The following CDH13 variants were observed in gnomAD, a reference collection of about 807,000 sequenced individuals.
CDH13 encodes cadherin 13, also known as cadherin-13.
A neutral mutation model predicts 63.8 loss-of-function variants in CDH13; 24 were observed. The observed-to-expected ratio is 0.38, with a 90% CI of 0.27 to 0.53. The LOEUF (loss-of-function observed/expected upper bound fraction) is 0.53. CDH13 is among the 20% of genes least tolerant of loss of function. The pLI is 0.85. For missense variants in CDH13, 1,049 were observed against 903.1 expected, an observed-to-expected ratio of 1.16 and a Z score of -2.07; for synonymous variants, 503 against 355.3, an observed-to-expected ratio of 1.42 and a Z score of -4.67.
At chr16:82,682,892 G>A (rs1394547951) in intron 1 of CDH13, among the ~76,000 whole-genome samples, 1 of 152,172 alleles carries the variant, frequency 6.6e-6, no homozygotes, top group Non-Finnish European at 1.5e-5. Context: ...AATTAAGGGA[G>A]CAGAAAACAC....
chr16:83,769,745 C>G (rs1914636561), intron 11 of CDH13, among the ~76,000 whole-genome samples: 2 of 152,110 alleles, frequency 1.3e-5, no homozygotes. Context: ...CTTTGATCTG[C>G]AAATTGACTG....
chr16:83,233,977 C>T lies in CDH13; in HGVS notation c.636+16480C>T, dbSNP rs2040076436. On this transcript the variant is annotated intron_variant, in intron 5 of 13. Coordinates refer to ENST00000567109, the MANE Select transcript of CDH13 (RefSeq NM_001257.5). ...AGTGCTAAGTGATGGATGATCTTAA[C>T]CTTTGACCCCAGCTATTGTCATCTT... 2.6e-5 allele frequency among the ~76,000 whole-genome samples: 4 copies of T among 152,174 alleles called. No homozygotes were observed. In the South Asian group the frequency reaches 8.3e-4, roughly 32 times the overall value.
At chr16:83,026,391 G>A (rs1311928164) in intron 2 of CDH13, among the ~76,000 whole-genome samples, 1 of 152,148 alleles carries the variant, frequency 6.6e-6, no homozygotes, top group African/African-American at 2.4e-5. Context: ...CTGAGACTCA[G>A]TCTCTTCTCC....
chr16:83,279,800 C>G (rs1186877881), intron 5 of CDH13, among the ~76,000 whole-genome samples: 1 of 151,786 alleles, frequency 6.6e-6, no homozygotes, highest in Non-Finnish European at 1.5e-5. Flanking sequence ...TGATTTCAGA[C>G]CACCACAATC....
intron 7 of CDH13, among the ~76,000 whole-genome samples, chr16:83,594,744 C>G (rs1354950630): frequency 6.6e-6 from 1 of 152,210 alleles, no homozygotes; most frequent in Non-Finnish European, 1.5e-5. Context: ...ACAGCTACCA[C>G]TATGCTTGTT....
chr16:83,559,572 AAGAAAGAG>A (rs894437279), intron 7 of CDH13, among the ~76,000 whole-genome samples: 10 of 120,588 alleles, frequency 8.3e-5, no homozygotes, highest in Admixed American at 3.8e-4. Flanking sequence ...ACTGTATAAA[AAGAAAGAG>A]AGAGAGAGAG....
intron 10 of CDH13, among the ~76,000 whole-genome samples, chr16:83,698,002 G>A (rs996184578): frequency 6.6e-6 from 1 of 152,194 alleles, no homozygotes; most frequent in African/African-American, 2.4e-5. Flanking sequence ...AAGTGTGCTT[G>A]CTTGCCTGAA....
At chr16:83,310,398 G>A (rs962713183) in intron 5 of CDH13, among the ~76,000 whole-genome samples, 1 of 152,154 alleles carries the variant, frequency 6.6e-6, no homozygotes, top group Admixed American at 6.5e-5. Context: ...TTCTGTGTGT[G>A]GGTACATGTG....
chr16:82,767,534 C>G (rs2035100451), intron 1 of CDH13, among the ~76,000 whole-genome samples: 1 of 152,176 alleles, frequency 6.6e-6, no homozygotes, highest in South Asian at 2.1e-4. Context: ...TACCCTGATG[C>G]CAGATTTAAA....
chr16:83,046,094 C>T (rs575614993), intron 3 of CDH13, among the ~76,000 whole-genome samples: 1 of 152,322 alleles, frequency 6.6e-6, no homozygotes, highest in African/African-American at 2.4e-5. Context: ...AGTCTAGTCT[C>T]AAGGCCTAAT....
In CDH13 at chr16:82,966,015, C is replaced by T. The variant is rs138264058; in HGVS notation, c.158-65995C>T. Among the ~76,000 whole-genome samples, 31 of 152,276 alleles carry T rather than the reference C, an allele frequency of 2.0e-4. No individual in the cohort carries two copies. The East Asian group carries it at 5.4e-3, about 27-fold the overall frequency. On this transcript the variant is annotated intron_variant, in intron 2 of 13. Coordinates refer to ENST00000567109, the MANE Select transcript of CDH13 (RefSeq NM_001257.5). ...CCAATCAGTCAACGAGTTGACCAAG[C>T]GTCTTGGCTAGCCTCAGAGGTACCT... is the stretch of plus-strand genomic sequence containing the variant.
intron 2 of CDH13, among the ~76,000 whole-genome samples, chr16:82,903,968 C>G (rs1016972113): frequency 2.6e-5 from 4 of 152,150 alleles, no homozygotes; most frequent in Non-Finnish European, 4.4e-5. Flanking sequence ...CTCTTTTTCT[C>G]TCTCCCTATT....
At chr16:82,887,400 C>T (rs1197418493) in intron 2 of CDH13, among the ~76,000 whole-genome samples, 1 of 152,168 alleles carries the variant, frequency 6.6e-6, no homozygotes, top group Non-Finnish European at 1.5e-5. Context: ...AGTCTTCAAA[C>T]ACCAGCATGC....
chr16:83,066,717 G>A (rs1180726795), intron 3 of CDH13, among the ~76,000 whole-genome samples: 10 of 152,104 alleles, frequency 6.6e-5, no homozygotes, highest in Admixed American at 5.2e-4. Context: ...ATTCTCGCCC[G>A]GTGTGAAGTC....
At chr16:82,892,002 A>T (rs918512547) in intron 2 of CDH13, among the ~76,000 whole-genome samples, 1 of 152,130 alleles carries the variant, frequency 6.6e-6, no homozygotes, top group Non-Finnish European at 1.5e-5. Flanking sequence ...TTGGGGCTGC[A>T]TGAGGTTGAA....
chr16:82,956,856 A>G (rs1226854765), intron 2 of CDH13, among the ~76,000 whole-genome samples: 1 of 152,216 alleles, frequency 6.6e-6, no homozygotes, highest in East Asian at 1.9e-4. Flanking sequence ...GCAAAGATTC[A>G]AATGTCAGTG....
chr16:83,031,957 G>C lies in CDH13; in HGVS notation c.158-53G>C, dbSNP rs1916394094. On this transcript the variant is annotated intron_variant, in intron 2 of 13. Transcript: ENST00000567109. The stretch of plus-strand genomic sequence containing the variant: ...CTTAATAGGTCAGAGATATCTCAGA[G>C]ATAAGCTGCCCAACCTACTCATGCT... 2.1e-6 allele frequency: 3 copies of C among 1,396,218 alleles called. No homozygotes were observed. The African/African-American group carries it at 4.3e-5, about 20-fold the overall frequency. 86.5% of individuals were successfully genotyped at this position (1,396,218 alleles called of 1,614,324 possible). A position where few individuals can be genotyped will look rare whatever the true frequency, so the allele number is the denominator to read the frequency against.
chr16:82,666,806 A>C (rs562414053), intron 1 of CDH13, among the ~76,000 whole-genome samples: 2 of 152,222 alleles, frequency 1.3e-5, no homozygotes, highest in Non-Finnish European at 2.9e-5. Flanking sequence ...ATTTAAAAGT[A>C]GAACATTTAA....
chr16:82,973,378 C>G, intron 2 of CDH13, among the ~76,000 whole-genome samples: 1 of 152,156 alleles, frequency 6.6e-6, no homozygotes, highest in East Asian at 1.9e-4. Flanking sequence ...TTTGGGTGTC[C>G]TTAGAAATTT....
Sources: gnomAD v4.1 joint callset for allele counts (sites outside exome capture counted in the v4.1 genomes callset) on GRCh38, gnomAD v4.1.1 for gene constraint, MANE v1.5 for transcripts, NCBI Gene and HGNC (gene_info 2026-07-23, HGNC 2026-07-21) for gene names.